The following SLC35F1 variants were observed in gnomAD, a reference collection of about 807,000 sequenced individuals.
SLC35F1 encodes chromosome 6 open reading frame 169.
SLC35F1 carries 14 observed loss-of-function variants against 48.7 expected under a neutral mutation model. That is an observed-to-expected ratio of 0.29 (90% CI 0.19 to 0.45). The LOEUF (loss-of-function observed/expected upper bound fraction) is 0.45. Ranked by LOEUF, SLC35F1 falls within the 20% of genes least tolerant of loss-of-function variation. The probability of loss-of-function intolerance (pLI) is 1.00; values close to 1 mark genes in which losing one functional copy is unlikely to be tolerated. For missense variants in SLC35F1, 404 were observed against 500.0 expected (o/e 0.81, Z 1.83); for synonymous variants, 190 against 202.2 (o/e 0.94, Z 0.51).
rs1231307336 is a variant in SLC35F1, at chr6:117,923,586, TATATACATATGTGTATATATAC to T, written c.173+15700_173+15721del. On this transcript the variant is annotated intron_variant, in intron 1 of 7. Coordinates refer to ENST00000360388, the MANE Select transcript of SLC35F1 (RefSeq NM_001029858.4). The stretch of plus-strand genomic sequence containing the variant: ...ATATACAAATACATATGTGTGTGTA[TATATACATATGTGTATATATAC>T]ATATACATATGTATATATACATATA... Among the ~76,000 whole-genome samples the T allele has an allele frequency of 1.2e-3, 65 of 55,518 alleles. 2 individuals are homozygous for T. Among genetic ancestry groups the T allele is most frequent in the Admixed American group, 1.6e-3 (6 of 3,684 alleles). 36.4% of individuals were successfully genotyped at this position (55,518 alleles called of 152,430 possible).
At chr6:118,210,591 G>T (rs1562326357) in intron 2 of SLC35F1, among the ~76,000 whole-genome samples, 1 of 152,174 alleles carries the variant, frequency 6.6e-6, no homozygotes, top group Non-Finnish European at 1.5e-5. Context: ...CCCTGGGTAA[G>T]AGCCGTTCTC....
In SLC35F1 at chr6:118,235,636, G is replaced by A; in HGVS notation, c.477G>A (p.Gln159=). Residue 159 remains glutamine, a splice_region_variant and synonymous_variant, in exon 3 of 8, where the codon CAG becomes CAA. Transcript: ENST00000360388. ...AATACACAACTCTGACCAGTATCCA[G>A]GTACCCATGGTTCTTCTTCCCTTCT... The part of the protein sequence containing the change: ...AYQYTTLTSI[Q]LLDCFVIPVV... 2 of 1,610,350 alleles carry A rather than the reference G, an allele frequency of 1.2e-6. No homozygotes were observed. The highest frequency in any genetic ancestry group is 1.7e-6 in the Non-Finnish European group (2 of 1,178,588).
At chr6:118,163,629 C>A (rs1486490581) in intron 2 of SLC35F1, among the ~76,000 whole-genome samples, 1 of 152,206 alleles carries the variant, frequency 6.6e-6, no homozygotes, top group Non-Finnish European at 1.5e-5. Context: ...TCTATCCATG[C>A]TGAGAGCTAG....
chr6:118,116,712 T>C (rs1042919334), intron 1 of SLC35F1, among the ~76,000 whole-genome samples: 1 of 152,228 alleles, frequency 6.6e-6, no homozygotes, highest in Admixed American at 6.5e-5. Context: ...TTATTTCTTT[T>C]CTTTGTGGCC....
intron 3 of SLC35F1, among the ~76,000 whole-genome samples, chr6:118,248,764 C>G (rs1396979448): frequency 2.0e-5 from 3 of 152,202 alleles, no homozygotes; most frequent in Non-Finnish European, 4.4e-5. Context: ...ATTACAGCAG[C>G]AATGGAAAAC....
intron 1 of SLC35F1, among the ~76,000 whole-genome samples, chr6:118,013,959 A>G (rs1451415233): frequency 6.6e-6 from 1 of 152,226 alleles, no homozygotes; most frequent in Non-Finnish European, 1.5e-5. Context: ...CAAATTCAGA[A>G]TAAGATAGTT....
At chr6:118,125,359 A>G (rs1240587787) in intron 1 of SLC35F1, among the ~76,000 whole-genome samples, 1 of 118,746 alleles carries the variant, frequency 8.4e-6, no homozygotes, top group Non-Finnish European at 1.7e-5. Flanking sequence ...CTTGGTTTTT[A>G]TTCATTTATG....
At chr6:118,031,959 T>A (rs1772060929) in intron 1 of SLC35F1, among the ~76,000 whole-genome samples, 1 of 152,114 alleles carries the variant, frequency 6.6e-6, no homozygotes, top group African/African-American at 2.4e-5. Context: ...TAGTCCTCAA[T>A]TTGGTTTGGT....
At chr6:118,195,187 G>A (rs72963660) in intron 2 of SLC35F1, among the ~76,000 whole-genome samples, 19,927 of 152,124 alleles carry the variant, frequency 0.13, 1,608 homozygotes, top group Non-Finnish European at 0.18. Flanking sequence ...CAGGTAAAAT[G>A]TACCCCCATT....
At chr6:117,945,216 C>T (rs1776282161) in intron 1 of SLC35F1, among the ~76,000 whole-genome samples, 1 of 152,318 alleles carries the variant, frequency 6.6e-6, no homozygotes, top group East Asian at 1.9e-4. Flanking sequence ...GCCCAGTCCT[C>T]CTCTAATGCT....
At chr6:118,205,372 A>G (rs1488505510) in intron 2 of SLC35F1, among the ~76,000 whole-genome samples, 1 of 152,224 alleles carries the variant, frequency 6.6e-6, no homozygotes, top group Non-Finnish European at 1.5e-5. Context: ...GCACATCTAT[A>G]TAGCTGATGG....
At chr6:117,963,987 A>G (rs1396107909) in intron 1 of SLC35F1, among the ~76,000 whole-genome samples, 3 of 152,142 alleles carry the variant, frequency 2.0e-5, no homozygotes, top group Non-Finnish European at 4.4e-5. Flanking sequence ...TACCCCTGAC[A>G]GGTTCCAGTG....
At chr6:118,037,392 A>C (rs1772149741) in intron 1 of SLC35F1, among the ~76,000 whole-genome samples, 1 of 151,728 alleles carries the variant, frequency 6.6e-6, no homozygotes, top group Admixed American at 6.6e-5. Context: ...TATCTGTGTT[A>C]ATTTTCTCTG....
At chr6:118,138,275 T>C (rs1773827261) in intron 1 of SLC35F1, among the ~76,000 whole-genome samples, 1 of 150,998 alleles carries the variant, frequency 6.6e-6, no homozygotes, top group Non-Finnish European at 1.5e-5. Context: ...ACCACTGCAC[T>C]TCAGCCTTGT....
chr6:118,230,262 C>A (rs1326523724), intron 2 of SLC35F1, among the ~76,000 whole-genome samples: 4 of 151,914 alleles, frequency 2.6e-5, no homozygotes, highest in African/African-American at 4.8e-5. Context: ...ATCGCTTGAA[C>A]CCGGGAGGCG....
At chr6:117,991,195 T>C (rs2114857793) in intron 1 of SLC35F1, among the ~76,000 whole-genome samples, 1 of 152,318 alleles carries the variant, frequency 6.6e-6, no homozygotes, top group Middle Eastern at 3.4e-3. Flanking sequence ...TGTACTAAAT[T>C]GCATAGTAAA....
chr6:117,990,895 T>G (rs1776911279), intron 1 of SLC35F1, among the ~76,000 whole-genome samples: 1 of 152,200 alleles, frequency 6.6e-6, no homozygotes, highest in South Asian at 2.1e-4. Flanking sequence ...GGTTCTGCTG[T>G]AAGTCTTCAT....
At chr6:118,113,157 CAT>C (rs1185195287) in intron 1 of SLC35F1, among the ~76,000 whole-genome samples, 1 of 152,062 alleles carries the variant, frequency 6.6e-6, no homozygotes, top group East Asian at 1.9e-4. Context: ...GTGTCATGAA[CAT>C]AGCTCACTGC....
intron 2 of SLC35F1, among the ~76,000 whole-genome samples, chr6:118,200,831 C>A (rs1326316599): frequency 6.6e-6 from 1 of 152,166 alleles, no homozygotes; most frequent in Admixed American, 6.5e-5. Context: ...TCGTCAACAT[C>A]ATGTGGCTTC....
Sources: allele counts gnomAD v4.1 joint callset (sites outside exome capture counted in the v4.1 genomes callset), GRCh38; gene constraint gnomAD v4.1.1; transcripts MANE v1.5; gene names NCBI Gene and HGNC (gene_info 2026-07-23, HGNC 2026-07-21).